Variants in MYH11 observed in about 807,000 individuals in gnomAD.
MYH11 encodes myosin-11.
A neutral mutation model predicts 246.6 loss-of-function variants in MYH11; 80 were observed. That is an observed-to-expected ratio of 0.32 (90% CI 0.27 to 0.39). The LOEUF (loss-of-function observed/expected upper bound fraction) is 0.39. Among genes scored for constraint, MYH11 ranks in the 10% least tolerant of loss-of-function variants. MYH11 has a pLI of 1.00. For missense variants in MYH11, 2,158 were observed against 2,546.8 expected, an observed-to-expected ratio of 0.85 and a Z score of 3.29; for synonymous variants, 1,071 against 1,015.5, an observed-to-expected ratio of 1.05 and a Z score of -1.04.
intron 9 of MYH11, among the ~76,000 whole-genome samples, chr16:15,767,486 T>C (rs752581202): frequency 1.3e-5 from 2 of 151,336 alleles, no homozygotes; most frequent in Admixed American, 6.6e-5. Context: ...GTTACATTTA[T>C]TTTTTTTTCC....
chr16:15,734,281 A>G (rs1176210349), intron 26 of MYH11, among the ~76,000 whole-genome samples: 3 of 150,392 alleles, frequency 2.0e-5, no homozygotes, highest in Non-Finnish European at 4.4e-5. Flanking sequence ...TGGTGTGACT[A>G]AGGGTGATTT....
intron 5 of MYH11, chr16:15,784,899 T>C: frequency 1.5e-6 from 1 of 660,928 alleles, no homozygotes. Context: ...AGGAATACGA[T>C]CACAGCTCAC....
intron 7 of MYH11, among the ~76,000 whole-genome samples, chr16:15,777,714 A>G (rs976199532): frequency 2.6e-5 from 4 of 152,114 alleles, no homozygotes; most frequent in Non-Finnish European, 4.4e-5. Flanking sequence ...AGTTAACGCA[A>G]TAGCCACCAC....
intron 2 of MYH11, among the ~76,000 whole-genome samples, chr16:15,824,556 C>CCA (rs2043509099): frequency 6.6e-6 from 1 of 152,186 alleles, no homozygotes; most frequent in Non-Finnish European, 1.5e-5. Flanking sequence ...GCTGGGATTA[C>CCA]AGGTGGGAAC....
At chr16:15,788,804 G>A (rs2042542552) in intron 4 of MYH11, among the ~76,000 whole-genome samples, 1 of 108,252 alleles carries the variant, frequency 9.2e-6, no homozygotes, top group Non-Finnish European at 2.0e-5. Flanking sequence ...ATATATGTGT[G>A]TGTGTGTGTG....
At chr16:15,727,552 C>T (rs1490443125) in intron 27 of MYH11, among the ~76,000 whole-genome samples, 1 of 152,138 alleles carries the variant, frequency 6.6e-6, no homozygotes, top group Non-Finnish European at 1.5e-5. Context: ...TCTGGAATCC[C>T]ACAAGCGGTA....
chr16:15,750,065 C>G lies in MYH11; in HGVS notation c.2058+73G>C. On this transcript the variant is annotated intron_variant, in intron 16 of 40. Coordinates refer to ENST00000300036, the MANE Select transcript of MYH11 (RefSeq NM_002474.3). The surrounding 1 kb of genome is among the most constrained non-coding windows in gnomAD (Gnocchi z 4.3). ...TCGGGGTAGGTGGGGGCAGAGGGCG[C>G]CCTGGGGACGCTGTGACCGCTTGGG... The G allele has an allele frequency of 6.3e-7, 1 of 1,587,776 alleles. No homozygotes were observed. The highest frequency in any genetic ancestry group is 2.2e-5 in the East Asian group (1 of 44,602).
intron 3 of MYH11, among the ~76,000 whole-genome samples, chr16:15,813,180 CA>C (rs913543733): frequency 6.6e-5 from 10 of 150,864 alleles, no homozygotes; most frequent in Admixed American, 6.6e-4. Context: ...AACAAACAAA[CA>C]AAAAACAGTT....
chr16:15,714,166 C>G (rs77667676), intron 40 of MYH11: 1 of 152,698 alleles, frequency 6.5e-6, no homozygotes, highest in South Asian at 2.1e-4. Flanking sequence ...GGGAGCCAAT[C>G]GGGATGGATG....
At chr16:15,771,327 A>G (rs1254113839) in intron 9 of MYH11, among the ~76,000 whole-genome samples, 2 of 152,016 alleles carry the variant, frequency 1.3e-5, no homozygotes, top group African/African-American at 2.4e-5. Context: ...ATTCTGAGTT[A>G]GTCACTTTCC....
intron 19 of MYH11, among the ~76,000 whole-genome samples, chr16:15,746,196 G>C (rs921443081): frequency 3.3e-5 from 5 of 151,916 alleles, no homozygotes; most frequent in Non-Finnish European, 5.9e-5. Context: ...AAAGTGCCTG[G>C]GATTACAGGT....
chr16:15,719,019 T>C, intron 36 of MYH11: 1 of 630,870 alleles, frequency 1.6e-6, no homozygotes, highest in South Asian at 1.7e-5. Flanking sequence ...TCTCAGCTAC[T>C]CAGAAGGCTG....
chr16:15,812,497 A>T (rs1384830841), intron 3 of MYH11, among the ~76,000 whole-genome samples: 2 of 136,748 alleles, frequency 1.5e-5, no homozygotes, highest in African/African-American at 5.5e-5. Context: ...CAGGAGGATC[A>T]CTTGAGGCCA....
At chr16:15,810,401 T>C (rs1436790876) in intron 3 of MYH11, among the ~76,000 whole-genome samples, 1 of 151,810 alleles carries the variant, frequency 6.6e-6, no homozygotes, top group Non-Finnish European at 1.5e-5. Context: ...GCACCATGGG[T>C]ACCAAAAATA....
intron 3 of MYH11, among the ~76,000 whole-genome samples, chr16:15,821,675 T>C (rs183839727): frequency 6.7e-6 from 1 of 149,252 alleles, no homozygotes; most frequent in East Asian, 2.0e-4. Flanking sequence ...TCCCAGCACT[T>C]TGGGAGGCCG....
In MYH11 at chr16:15,853,325, ATT is replaced by A. The variant is rs1567221660; in HGVS notation, c.-18+3614_-18+3615del. On this transcript the variant is annotated intron_variant, in intron 1 of 40. Coordinates refer to ENST00000300036, the MANE Select transcript of MYH11 (RefSeq NM_002474.3). ...CCACCATGCCCAGCTCATTTTAAAA[ATT>A]TTTTTGTAGAGATGGTGCCTCGCTA... Among the ~76,000 whole-genome samples, 128 of 152,046 alleles carry A rather than the reference ATT, an allele frequency of 8.4e-4. No individual in the cohort carries two copies. The East Asian group carries it at 0.015, about 18-fold the overall frequency.
intron 3 of MYH11, among the ~76,000 whole-genome samples, chr16:15,805,748 C>CA (rs922188484): frequency 1.1e-4 from 16 of 150,576 alleles, no homozygotes; most frequent in African/African-American, 2.9e-4. Context: ...CCTATCTCTA[C>CA]AAAAAAAAAT....
At chr16:15,848,957 C>T (rs116567717) in intron 1 of MYH11, among the ~76,000 whole-genome samples, 1,751 of 152,268 alleles carry the variant, frequency 0.011, 44 homozygotes, top group African/African-American at 0.04. Flanking sequence ...CCTCCACCAT[C>T]GCTCATGTTT....
intron 5 of MYH11, among the ~76,000 whole-genome samples, chr16:15,784,534 C>T (rs1270369273): frequency 6.6e-6 from 1 of 152,002 alleles, no homozygotes; most frequent in African/African-American, 2.4e-5. Context: ...CAGACACCCA[C>T]AGGATGGTAT....
Sources: gnomAD v4.1 joint callset for allele counts (sites outside exome capture counted in the v4.1 genomes callset) on GRCh38, gnomAD v4.1.1 for gene constraint, Gnocchi (gnomAD v3.1) non-coding constraint, MANE v1.5 for transcripts, NCBI Gene and HGNC (gene_info 2026-07-23, HGNC 2026-07-21) for gene names.